Variants in LGALS4 observed in about 807,000 individuals in gnomAD.
LGALS4 encodes galectin 4.
In LGALS4, 37 loss-of-function variants were observed where a neutral mutation model predicts 39.6. That is an observed-to-expected ratio of 0.93 (90% CI 0.72 to 1.23). The LOEUF is 1.23. LGALS4 is among the 50% of genes most tolerant of loss of function. The probability of loss-of-function intolerance (pLI) is 0.00; values close to 1 mark genes in which losing one functional copy is unlikely to be tolerated. For synonymous variants in LGALS4, 160 were observed against 165.5 expected, an observed-to-expected ratio of 0.97 and a Z score of 0.25; for missense variants, 397 against 433.2, an observed-to-expected ratio of 0.92 and a Z score of 0.74.
Position 38,806,386 on chromosome 19 carries a change from G to GA in LGALS4, c.474+74dup, listed in dbSNP as rs1459683942. 6 of 1,505,584 alleles carry GA rather than the reference G, an allele frequency of 4.0e-6. No individual in the cohort carries two copies. The East Asian group carries it at 6.8e-5, about 17-fold the overall frequency. 93.3% of individuals were successfully genotyped at this position (1,505,584 alleles called of 1,614,324 possible). A position where few individuals can be genotyped will look rare whatever the true frequency, so the allele number is the denominator to read the frequency against. The stretch of plus-strand genomic sequence containing the variant: ...CCGTCTCAAAAAAAAAAGAAAAAAA[G>GA]AAAAAAAGAAAAAAAATGAATGTGG... On this transcript the variant is annotated intron_variant, in intron 4 of 9. Coordinates refer to ENST00000307751, the MANE Select transcript of LGALS4 (RefSeq NM_006149.4).
chr19:38,811,354 A>G (rs1300284361), intron 2 of LGALS4, among the ~76,000 whole-genome samples: 1 of 150,700 alleles, frequency 6.6e-6, no homozygotes, highest in Non-Finnish European at 1.5e-5. Flanking sequence ...GGCTGGGCAG[A>G]GTGGCTCATA....
At chr19:38,807,597 C>T (rs1450517086) in intron 3 of LGALS4, among the ~76,000 whole-genome samples, 3 of 152,046 alleles carry the variant, frequency 2.0e-5, no homozygotes, top group African/African-American at 7.2e-5. Context: ...CCAGGCCGCC[C>T]TGTCTGGGAA....
chr19:38,810,632 G>A (rs574519941), intron 2 of LGALS4, among the ~76,000 whole-genome samples: 3 of 152,224 alleles, frequency 2.0e-5, no homozygotes, highest in South Asian at 4.1e-4. Context: ...AAAGTGCTGG[G>A]ATTACAGACG....
At chr19:38,806,242 C>G (rs112119839) in intron 4 of LGALS4, among the ~76,000 whole-genome samples, 5 of 151,970 alleles carry the variant, frequency 3.3e-5, no homozygotes, top group African/African-American at 1.2e-4. Context: ...GTGGCAGGCT[C>G]CTGTAGTCCC....
intron 2 of LGALS4, among the ~76,000 whole-genome samples, chr19:38,810,735 C>A (rs1971483588): frequency 6.6e-6 from 1 of 151,750 alleles, no homozygotes; most frequent in Non-Finnish European, 1.5e-5. Context: ...GCTTAGCCAC[C>A]CAAAGTGCTG....
At chr19:38,808,662 G>C in intron 3 of LGALS4, 82 bp downstream of exon 3, 2 of 1,042,978 alleles carry the variant, frequency 1.9e-6, no homozygotes, top group Non-Finnish European at 2.8e-6. Flanking sequence ...GAAAGAAAAG[G>C]AAGGAAGGCG....
chr19:38,803,612 C>G, intron 6 of LGALS4, 61 bp from the exon 7 acceptor site: 1 of 1,600,600 alleles, frequency 6.2e-7, no homozygotes, highest in Non-Finnish European at 8.6e-7. Context: ...TATGACACAC[C>G]CATTAGACTC....
rs752125046 is a variant in LGALS4 at position 38,806,563 on chromosome 19, G to A, written c.372C>T (p.Tyr124=). The A allele has an allele frequency of 1.9e-5, 30 of 1,613,828 alleles. No homozygotes were observed. Among genetic ancestry groups the A allele is most frequent in the Admixed American group, 3.3e-5 (2 of 59,970 alleles). ...VVVNGNPFYE[Y]GHRLPLQMVT... The stretch of plus-strand genomic sequence containing the variant: ...CCATCTGTAGGGGAAGCCGGTGCCC[G>A]TACTCATAGAAGGGATTTCCATTTA... The change falls in exon 4 of 10, where the codon TAC becomes TAT. Residue 124 remains tyrosine (Y), a synonymous_variant. Coordinates refer to ENST00000307751, the MANE Select transcript of LGALS4 (RefSeq NM_006149.4).
chr19:38,803,966 C>T, intron 4 of LGALS4, 71 bp from the exon 5 acceptor site: 1 of 1,528,048 alleles, frequency 6.5e-7, no homozygotes, highest in Non-Finnish European at 8.9e-7. Context: ...GTCGAGAGTG[C>T]CTGCCCTGGG....
At chr19:38,810,608 C>T (rs996424682) in intron 2 of LGALS4, among the ~76,000 whole-genome samples, 2 of 151,998 alleles carry the variant, frequency 1.3e-5, no homozygotes, top group East Asian at 1.9e-4. Context: ...GTGATCCGCC[C>T]GTCTCTGCCT....
Position 38,808,926 on chromosome 19 carries a change from C to T in LGALS4, c.157G>A (p.Gly53Arg), listed in dbSNP as rs930055762. 1.2e-6 allele frequency: 2 copies of T among 1,612,858 alleles called. No homozygotes were observed. Among genetic ancestry groups the T allele is most frequent in the Non-Finnish European group, 1.7e-6 (2 of 1,179,430 alleles). Reference protein sequence around the residue: ...MKRFFVNFVVGQDPGSDVAFH... With the variant: ...MKRFFVNFVVRQDPGSDVAFH... ...GCGACGTCTGAGCCCGGATCCTGCC[C>T]AACCACAAAGTTCACGAAGAACCTG... Residue 53 changes from glycine to arginine, a missense_variant, in exon 3 of 10, where the codon GGG becomes AGG. By Grantham distance (125) the Gly-to-Arg change is moderately radical (BLOSUM62 -2). Coordinates refer to ENST00000307751, the MANE Select transcript of LGALS4 (RefSeq NM_006149.4).
intron 3 of LGALS4, among the ~76,000 whole-genome samples, chr19:38,807,518 G>A (rs141746158): frequency 4.6e-5 from 7 of 152,116 alleles, no homozygotes; most frequent in Non-Finnish European, 7.4e-5. Flanking sequence ...GGAAACGGCC[G>A]CCCTTCGTCT....
chr19:38,806,363 G>A lies in LGALS4; in HGVS notation c.474+98C>T, dbSNP rs535521192. On this transcript the variant is annotated intron_variant, in intron 4 of 9. Coordinates refer to ENST00000307751, the MANE Select transcript of LGALS4 (RefSeq NM_006149.4). ...AACCTGGGCGACAGAGTGAGACTCC[G>A]TCTCAAAAAAAAAAGAAAAAAAGAA... 2,373 of 1,326,332 alleles carry A rather than the reference G, an allele frequency of 1.8e-3. 42 individuals are homozygous for A. The highest frequency in any genetic ancestry group is 0.016 in the African/African-American group (950 of 58,058). 82.2% of individuals were successfully genotyped at this position (1,326,332 alleles called of 1,614,324 possible). A position where few individuals can be genotyped will look rare whatever the true frequency, so the allele number is the denominator to read the frequency against.
intron 2 of LGALS4, among the ~76,000 whole-genome samples, chr19:38,810,226 G>GCTC (rs1402019877): frequency 6.6e-6 from 1 of 152,094 alleles, no homozygotes; most frequent in Non-Finnish European, 1.5e-5. Flanking sequence ...TGCGATCTCA[G>GCTC]CTCACTGCAA....
Position 38,808,908 on chromosome 19 carries a change from C to A in LGALS4, c.175G>T (p.Asp59Tyr), listed in dbSNP as rs766259112. Reference protein sequence around the residue: ...NFVVGQDPGSDVAFHFNPRFD... With the variant: ...NFVVGQDPGSYVAFHFNPRFD... ...CGCGGATTGAAGTGGAAGGCGACGT[C>A]TGAGCCCGGATCCTGCCCAACCACA... Residue 59 changes from aspartate to tyrosine, a missense_variant, in exon 3 of 10, where the codon GAC (aspartate) becomes TAC (tyrosine). By Grantham distance (160) the Asp-to-Tyr change is radical. Coordinates refer to ENST00000307751, the MANE Select transcript of LGALS4 (RefSeq NM_006149.4). 1.9e-6 allele frequency: 3 copies of A among 1,613,888 alleles called. No individual in the cohort carries two copies. In the African/African-American group the frequency reaches 4.0e-5, roughly 22 times the overall value.
chr19:38,804,246 A>G (rs1364836727), intron 4 of LGALS4, among the ~76,000 whole-genome samples: 3 of 152,032 alleles, frequency 2.0e-5, no homozygotes, highest in African/African-American at 7.2e-5. Context: ...TGTCTTGGCC[A>G]CACCTCAGCG....
Position 38,809,117 on chromosome 19 carries a change from T to C in LGALS4, c.135-169A>G, listed in dbSNP as rs537570108. On this transcript the variant is annotated intron_variant, in intron 2 of 9. Coordinates refer to ENST00000307751, the MANE Select transcript of LGALS4 (RefSeq NM_006149.4). ...TGTGGGCCACAGCGTGGAGAGGACC[T>C]GAGTTCTGAGGGGGGCAGATTCCCA... 8.6e-5 allele frequency among the ~76,000 whole-genome samples: 13 copies of C among 151,340 alleles called. No homozygotes were observed. In the East Asian group the frequency reaches 2.5e-3, roughly 29 times the overall value.
At chr19:38,811,412 C>T (rs778715563) in intron 2 of LGALS4, among the ~76,000 whole-genome samples, 7 of 151,916 alleles carry the variant, frequency 4.6e-5, no homozygotes, top group Non-Finnish European at 1.0e-4. Flanking sequence ...GCTAGAGGAT[C>T]GCTTGAGCAC....
rs750406604 is a variant in LGALS4, at chr19:38,802,408, T to G, written c.571-4A>C. 2.5e-6 allele frequency: 4 copies of G among 1,613,260 alleles called. No homozygotes were observed. The Admixed American group carries it at 5.0e-5, about 20-fold the overall frequency. On this transcript the variant is annotated splice_polypyrimidine_tract_variant and splice_region_variant and intron_variant, in intron 7 of 9. Coordinates refer to ENST00000307751, the MANE Select transcript of LGALS4 (RefSeq NM_006149.4). Reference sequence around the variant, plus strand: ...GCCTCCCGAAATATGGCACAGGCTGTGGGAAGAGAACGGGGGGTCCCATTC... The same window carrying G: ...GCCTCCCGAAATATGGCACAGGCTGGGGGAAGAGAACGGGGGGTCCCATTC...
Sources: gnomAD v4.1 joint callset for allele counts (sites outside exome capture counted in the v4.1 genomes callset) on GRCh38, gnomAD v4.1.1 for gene constraint, MANE v1.5 for transcripts, NCBI Gene and HGNC (gene_info 2026-07-23, HGNC 2026-07-21) for gene names.